MAPK10: variants seen among roughly 807,000 people sequenced by gnomAD.
MAPK10 encodes the protein mitogen-activated protein kinase 10.
A neutral mutation model predicts 59.3 loss-of-function variants in MAPK10; 25 were observed. The observed-to-expected ratio is 0.42, with a 90% CI of 0.31 to 0.59. MAPK10 has a LOEUF of 0.59. Among genes scored for constraint, MAPK10 ranks in the 20% least tolerant of loss-of-function variants. MAPK10 has a pLI of 0.15. For missense variants in MAPK10, 351 were observed against 568.9 expected, an observed-to-expected ratio of 0.62 and a Z score of 3.90; for synonymous variants, 190 against 200.5, an observed-to-expected ratio of 0.95 and a Z score of 0.44.
intron 2 of MAPK10, among the ~76,000 whole-genome samples, chr4:86,264,401 C>T (rs1222941117): frequency 5.9e-5 from 9 of 152,186 alleles, no homozygotes; most frequent in Admixed American, 3.3e-4. Context: ...CAAGAAGAGA[C>T]ATGATACTTC....
chr4:86,541,595 G>A (rs922292486), intron 1 of MAPK10, among the ~76,000 whole-genome samples: 1 of 152,140 alleles, frequency 6.6e-6, no homozygotes, highest in Admixed American at 6.5e-5. Context: ...CTGAACTAGT[G>A]ACAAAATAAA....
intron 2 of MAPK10, among the ~76,000 whole-genome samples, chr4:86,271,515 C>T (rs1021074964): frequency 6.6e-6 from 1 of 151,806 alleles, no homozygotes; most frequent in Non-Finnish European, 1.5e-5. Flanking sequence ...TTCTGTGATG[C>T]TAAGGTTTGG....
intron 4 of MAPK10, 30 bp downstream of exon 4, chr4:86,159,268 T>A: frequency 6.4e-7 from 1 of 1,561,598 alleles, no homozygotes; most frequent in East Asian, 2.3e-5. Flanking sequence ...TGTGTTCCCT[T>A]TAAAAATACA....
At chr4:86,410,709 T>C (rs1745042518) in intron 1 of MAPK10, among the ~76,000 whole-genome samples, 1 of 152,228 alleles carries the variant, frequency 6.6e-6, no homozygotes, top group South Asian at 2.1e-4. Flanking sequence ...TATAGTATTC[T>C]GTGATGGTAG....
intron 2 of MAPK10, among the ~76,000 whole-genome samples, chr4:86,231,975 A>C (rs1046008813): frequency 1.3e-5 from 2 of 152,362 alleles, no homozygotes; most frequent in East Asian, 3.9e-4. Context: ...AGAAGAACAT[A>C]GATGGGTTCA....
intron 1 of MAPK10, among the ~76,000 whole-genome samples, chr4:86,499,655 C>T (rs1168430597): frequency 1.3e-5 from 2 of 152,192 alleles, no homozygotes; most frequent in African/African-American, 2.4e-5. Flanking sequence ...TAGTCACCTA[C>T]ACAACATCTA....
At chr4:86,229,625 T>G (rs754440922) in intron 2 of MAPK10, among the ~76,000 whole-genome samples, 1 of 152,142 alleles carries the variant, frequency 6.6e-6, no homozygotes, top group African/African-American at 2.4e-5. Flanking sequence ...GGAAAACAAC[T>G]GGCTTTTTTC....
At chr4:86,566,471 T>C (rs2149106455) in intron 1 of MAPK10, among the ~76,000 whole-genome samples, 1 of 152,298 alleles carries the variant, frequency 6.6e-6, no homozygotes, top group African/African-American at 2.4e-5. Flanking sequence ...CCCAGCACTT[T>C]GGGAGGCCGA....
chr4:86,489,061 A>G (rs1017052102), intron 1 of MAPK10, among the ~76,000 whole-genome samples: 2 of 152,164 alleles, frequency 1.3e-5, no homozygotes, highest in Non-Finnish European at 2.9e-5. Context: ...AGGAGAACCA[A>G]GATACTCTAG....
chr4:86,311,177 T>C (rs1449392028), intron 2 of MAPK10, among the ~76,000 whole-genome samples: 1 of 152,124 alleles, frequency 6.6e-6, no homozygotes, highest in Non-Finnish European at 1.5e-5. Flanking sequence ...TTGAATAGTA[T>C]AAATGTATTA....
chr4:86,356,584 T>C (rs1008595068), intron 1 of MAPK10: 2 of 311,700 alleles, frequency 6.4e-6, no homozygotes, highest in Non-Finnish European at 9.3e-6. Flanking sequence ...TTCTTTGCCT[T>C]GATCGGTTCA....
At position 86,488,990 on chromosome 4, in the gene MAPK10, G is replaced by A. The variant is rs192569808; in HGVS notation, c.-263+104920C>T. Among the ~76,000 whole-genome samples the A allele has an allele frequency of 4.5e-4, 69 of 152,252 alleles. No individual in the cohort carries two copies. The East Asian group carries it at 0.013, about 28-fold the overall frequency. On this transcript the variant is annotated intron_variant, in intron 1 of 4. Coordinates refer to the MAPK10 transcript ENST00000502302. ...TTTGCGCATTCGGGCTTGTTCTCTT[G>A]CTGCACCTGGAAACTTGAAACCAGC...
chr4:86,228,680 A>G (rs2091060663), intron 2 of MAPK10, among the ~76,000 whole-genome samples: 1 of 152,178 alleles, frequency 6.6e-6, no homozygotes. Context: ...TTAATTATAA[A>G]TATCTGTTAC....
At chr4:86,359,263 C>CTCTCTCTCTCTCTCT (rs1554248207) in intron 1 of MAPK10, among the ~76,000 whole-genome samples, 1 of 53,464 alleles carries the variant, frequency 1.9e-5, no homozygotes, top group Non-Finnish European at 3.8e-5. Context: ...TTTTTTTTTT[C>CTCTCTCTCTCTCTCT]CTCTCTCTCT....
At chr4:86,309,951 T>G (rs2095638355) in intron 2 of MAPK10, among the ~76,000 whole-genome samples, 1 of 152,168 alleles carries the variant, frequency 6.6e-6, no homozygotes, top group Non-Finnish European at 1.5e-5. Context: ...TAAGGAAAAT[T>G]CAAGCTGGAA....
intron 1 of MAPK10, among the ~76,000 whole-genome samples, chr4:86,543,161 TG>T (rs1356825320): frequency 1.3e-5 from 2 of 151,930 alleles, no homozygotes; most frequent in Non-Finnish European, 2.9e-5. Context: ...TCCGTCCAGG[TG>T]GGGGGACTTA....
chr4:86,286,181 A>T (rs2095001186), intron 2 of MAPK10, among the ~76,000 whole-genome samples: 2 of 152,226 alleles, frequency 1.3e-5, no homozygotes, highest in Admixed American at 1.3e-4. Flanking sequence ...GTAAACCAAT[A>T]AATCAAATAA....
At chr4:86,050,762 C>T (rs935639833) in intron 11 of MAPK10, among the ~76,000 whole-genome samples, 13 of 152,094 alleles carry the variant, frequency 8.5e-5, no homozygotes, top group African/African-American at 3.1e-4. Flanking sequence ...GTGCAAGAGG[C>T]ATGAGCAGGC....
chr4:86,055,310 T>C (rs2044348675), intron 11 of MAPK10, among the ~76,000 whole-genome samples: 1 of 133,704 alleles, frequency 7.5e-6, no homozygotes, highest in Non-Finnish European at 1.6e-5. Context: ...TTTGTCTTAC[T>C]TGTGAAAATA....
Sources: allele counts gnomAD v4.1 joint callset (sites outside exome capture counted in the v4.1 genomes callset), GRCh38; gene constraint gnomAD v4.1.1; transcripts MANE v1.5; gene names NCBI Gene and HGNC (gene_info 2026-07-23, HGNC 2026-07-21).